OR1L4: variants seen among roughly 807,000 people sequenced by gnomAD.
The protein encoded by OR1L4 is olfactory receptor family 1 subfamily L member 4.
Under a neutral mutation model 3.5 loss-of-function variants are expected in OR1L4, and 4 were observed. The observed-to-expected ratio is 1.15, with a 90% CI of 0.57 to 2.63. The LOEUF is 2.63. Among genes scored for constraint, OR1L4 ranks in the 30% most tolerant of loss-of-function variants. The pLI, the probability that OR1L4 is intolerant of heterozygous loss-of-function variation, is 0.02. For synonymous variants in OR1L4, 123 were observed against 149.1 expected (o/e 0.83, Z 1.27); for missense variants, 291 against 378.5 (o/e 0.77, Z 1.92).
At position 122,724,550 on chromosome 9, in the gene OR1L4, G is replaced by A. The variant is rs757464507; in HGVS notation, c.561G>A (p.Lys187=). Residue 187 remains lysine (K), a synonymous_variant, in exon 1 of 1, where the codon AAG becomes AAA. Coordinates refer to ENST00000259466, the MANE Select transcript of OR1L4 (RefSeq NM_001005235.1). ...TCTGTGACACCCAGCCTGTGCTAAA[G>A]CTCTCCTGCTCTGACACATCCTCCA... ...HFFCDTQPVL[K]LSCSDTSSSQ... 1.1e-5 allele frequency: 17 copies of A among 1,614,138 alleles called. No individual in the cohort carries two copies. In the East Asian group the frequency reaches 3.3e-4, roughly 32 times the overall value.
rs777127805 is a variant in OR1L4, at chr9:122,724,335, C to A, written c.346C>A (p.Leu116Met). The A allele has an allele frequency of 6.2e-7, 1 of 1,614,242 alleles. No homozygotes were observed. The highest frequency in any genetic ancestry group is 1.1e-5 in the South Asian group (1 of 91,084). Residue 116 changes from leucine (L) to methionine (M), a missense_variant, in exon 1 of 1, where the codon CTG becomes ATG. This residue lies in a region of OR1L4 where 165 missense variants were observed against 169.9 expected (regional missense o/e 0.97). Transcript: ENST00000259466. Reference protein sequence around the residue: ...MAFGNTDSYLLASMAIDRLVA... With the variant: ...MAFGNTDSYLMASMAIDRLVA... ...ATTTGGGAACACTGACAGCTACCTG[C>A]TGGCCTCTATGGCCATCGACCGGCT...
Position 122,724,794 on chromosome 9 carries a change from G to T in OR1L4, c.805G>T (p.Val269Leu). 6.2e-7 allele frequency: 1 copy of T among 1,614,114 alleles called. No homozygotes were observed. ...TTTTAGGCCTCTGTCCATGTACTCAGTGATGAAGGGCCGGGTAGCCACAGT... is the reference window on the plus strand; with the variant it reads ...TTTTAGGCCTCTGTCCATGTACTCATTGATGAAGGGCCGGGTAGCCACAGT... The part of the protein sequence containing the change: ...VYFRPLSMYS[V>L]MKGRVATVMY... Residue 269 changes from valine to leucine, a missense_variant, in exon 1 of 1, where the codon GTG becomes TTG. This residue lies in a region of OR1L4 where 62 missense variants were observed against 71.8 expected (regional missense o/e 0.86). Coordinates refer to ENST00000259466, the MANE Select transcript of OR1L4 (RefSeq NM_001005235.1).
Position 122,724,169 on chromosome 9 carries a change from G to A in OR1L4, c.180G>A (p.Met60Ile). 2 of 1,614,112 alleles carry A rather than the reference G, an allele frequency of 1.2e-6. No homozygotes were observed. Among genetic ancestry groups the A allele is most frequent in the South Asian group, 1.1e-5 (1 of 91,084 alleles). ...IYSDPRLHTP[M>I]YFFLSNLSFM... ...CTGACCCCAGGCTCCACACCCCTATGTACTTTTTTCTCAGCAACTTGTCTT... is the reference window on the plus strand; with the variant it reads ...CTGACCCCAGGCTCCACACCCCTATATACTTTTTTCTCAGCAACTTGTCTT... Residue 60 changes from methionine (M) to isoleucine (I), a missense_variant, in exon 1 of 1, where the codon ATG becomes ATA. Around this residue, in one of 3 missense-constraint regions of OR1L4, gnomAD observed 165 missense variants for 169.9 expected, o/e 0.97. Coordinates refer to ENST00000259466, the MANE Select transcript of OR1L4 (RefSeq NM_001005235.1).
At position 122,724,456 on chromosome 9, in the gene OR1L4, A is replaced by C. The variant is rs774491611; in HGVS notation, c.467A>C (p.His156Pro). The C allele has an allele frequency of 1.2e-6, 2 of 1,614,062 alleles. No individual in the cohort carries two copies. Among genetic ancestry groups the C allele is most frequent in the Admixed American group, 3.3e-5 (2 of 60,008 alleles). ...GGTTCTTGCAGCATCTCCCACCTAC[A>C]TTCCCTGTTCCGCGTGCTACTTATG... ...LLGSCSISHL[H>P]SLFRVLLMSR... Residue 156 changes from histidine to proline, a missense_variant, in exon 1 of 1, where the codon CAT becomes CCT. Transcript: ENST00000259466.
rs150036859 is a variant in OR1L4, at chr9:122,724,839, C to A, written c.850C>A (p.Pro284Thr). 1.9e-6 allele frequency: 3 copies of A among 1,613,986 alleles called. No homozygotes were observed. Among genetic ancestry groups the A allele is most frequent in the Non-Finnish European group, 2.5e-6 (3 of 1,179,992 alleles). ...CACAGTTATGTACACAGTAGTGACACCCATGCTGAACCCTTTCATCTACAG... is the reference window on the plus strand; with the variant it reads ...CACAGTTATGTACACAGTAGTGACAACCATGCTGAACCCTTTCATCTACAG... ...VATVMYTVVT[P>T]MLNPFIYSLR... The change falls in exon 1 of 1, where the codon CCC becomes ACC. Residue 284 changes from proline (P) to threonine (T), a missense_variant. By Grantham distance (38) the Pro-to-Thr change is conservative. Around this residue, in one of 3 missense-constraint regions of OR1L4, gnomAD observed 62 missense variants for 71.8 expected, o/e 0.86. Transcript: ENST00000259466.
Position 122,724,104 on chromosome 9 carries a change from A to C in OR1L4, c.115A>C (p.Thr39Pro). The C allele has an allele frequency of 1.2e-6, 2 of 1,612,458 alleles. No individual in the cohort carries two copies. The highest frequency in any genetic ancestry group is 1.7e-6 in the Non-Finnish European group (2 of 1,179,102). ...CATCTTCCTCATCATGTACCTACTC[A>C]CTGCGGTGGGGAATGTGCTCATCAT... ...FAIFLIMYLL[T>P]AVGNVLIILA... Residue 39 changes from threonine to proline, a missense_variant, in exon 1 of 1, where the codon ACT becomes CCT. Transcript: ENST00000259466.
In OR1L4 at chr9:122,724,696, G is replaced by A; in HGVS notation, c.707G>A (p.Trp236Ter). Residue 236 changes from tryptophan to a stop codon, truncating the protein, a stop_gained, in exon 1 of 1, where the codon TGG becomes TAG. Coordinates refer to ENST00000259466, the MANE Select transcript of OR1L4 (RefSeq NM_001005235.1). LOFTEE classifies it high-confidence loss of function. ...AGAATCCCCTCTGCAGCCGGGAAGT[G>A]GAAGGCCTTCTCTACCTGTGGCTCC... ...VLRIPSAAGK[W>*]KAFSTCGSHL... 1 of 1,614,078 alleles carries A rather than the reference G, an allele frequency of 6.2e-7. No homozygotes were observed. Among genetic ancestry groups the A allele is most frequent in the Non-Finnish European group, 8.5e-7 (1 of 1,179,938 alleles).
At position 122,724,470 on chromosome 9, in the gene OR1L4, G is replaced by A. The variant is rs753520295; in HGVS notation, c.481G>A (p.Val161Met). Residue 161 changes from valine (V) to methionine (M), a missense_variant, in exon 1 of 1, where the codon GTG (valine) becomes ATG (methionine). By Grantham distance (21) the Val-to-Met change is conservative (BLOSUM62 1). Around this residue, in one of 3 missense-constraint regions of OR1L4, gnomAD observed 64 missense variants for 136.8 expected, o/e 0.47. Coordinates refer to ENST00000259466, the MANE Select transcript of OR1L4 (RefSeq NM_001005235.1). ...SISHLHSLFR[V>M]LLMSRLSFCA... ...CTCCCACCTACATTCCCTGTTCCGC[G>A]TGCTACTTATGTCTCGCTTGTCTTT... 58 of 1,614,044 alleles carry A rather than the reference G, an allele frequency of 3.6e-5. No homozygotes were observed. The highest frequency in any genetic ancestry group is 1.3e-4 in the East Asian group (6 of 44,886).
At position 122,724,283 on chromosome 9, in the gene OR1L4, C is replaced by T. The variant is rs760971825; in HGVS notation, c.294C>T (p.Cys98=). ...CAAAGATTATCTCTTATGTGGGCTGCCTGATCCAGATGTACTTCTTCATGG... is the reference window on the plus strand; with the variant it reads ...CAAAGATTATCTCTTATGTGGGCTGTCTGATCCAGATGTACTTCTTCATGG... ...SETKIISYVG[C]LIQMYFFMAF... The change falls in exon 1 of 1, where the codon TGC becomes TGT. Residue 98 remains cysteine, a synonymous_variant. Coordinates refer to ENST00000259466, the MANE Select transcript of OR1L4 (RefSeq NM_001005235.1). 25 of 1,614,052 alleles carry T rather than the reference C, an allele frequency of 1.5e-5. No homozygotes were observed. Among genetic ancestry groups the T allele is most frequent in the Non-Finnish European group, 1.0e-5 (12 of 1,180,044 alleles).
chr9:122,724,368 A>C lies in OR1L4; in HGVS notation c.379A>C (p.Ile127Leu). 6.2e-7 allele frequency: 1 copy of C among 1,614,226 alleles called. No homozygotes were observed. Among genetic ancestry groups the C allele is most frequent in the Non-Finnish European group, 8.5e-7 (1 of 1,180,048 alleles). ...ASMAIDRLVA[I>L]CNPLHYDVVM... The stretch of plus-strand genomic sequence containing the variant: ...TATGGCCATCGACCGGCTGGTGGCC[A>C]TCTGCAACCCCTTACACTATGATGT... The change falls in exon 1 of 1, where the codon ATC (isoleucine) becomes CTC (leucine). Residue 127 changes from isoleucine (I) to leucine (L), a missense_variant. This residue lies in a region of OR1L4 where 165 missense variants were observed against 169.9 expected (regional missense o/e 0.97). Transcript: ENST00000259466.
Position 122,724,279 on chromosome 9 carries a change from G to A in OR1L4, c.290G>A (p.Gly97Asp). Residue 97 changes from glycine to aspartate, a missense_variant, in exon 1 of 1, where the codon GGC becomes GAC. Around this residue, in one of 3 missense-constraint regions of OR1L4, gnomAD observed 165 missense variants for 169.9 expected, o/e 0.97. Transcript: ENST00000259466. ...LSETKIISYV[G>D]CLIQMYFFMA... Reference sequence around the variant, plus strand: ...GAGACAAAGATTATCTCTTATGTGGGCTGCCTGATCCAGATGTACTTCTTC... The same window carrying A: ...GAGACAAAGATTATCTCTTATGTGGACTGCCTGATCCAGATGTACTTCTTC... 1.9e-6 allele frequency: 3 copies of A among 1,614,152 alleles called. No homozygotes were observed. Among genetic ancestry groups the A allele is most frequent in the East Asian group, 2.2e-5 (1 of 44,888 alleles).
chr9:122,724,807 G>A lies in OR1L4; in HGVS notation c.818G>A (p.Arg273Gln), dbSNP rs756994886. The change falls in exon 1 of 1, where the codon CGG becomes CAG. Residue 273 changes from arginine (R) to glutamine (Q), a missense_variant. By Grantham distance (43) the Arg-to-Gln change is conservative (BLOSUM62 1). Coordinates refer to ENST00000259466, the MANE Select transcript of OR1L4 (RefSeq NM_001005235.1). ...PLSMYSVMKG[R>Q]VATVMYTVVT... ...TCCATGTACTCAGTGATGAAGGGCC[G>A]GGTAGCCACAGTTATGTACACAGTA... is the stretch of plus-strand genomic sequence containing the variant. 1.5e-5 allele frequency: 25 copies of A among 1,614,056 alleles called. No homozygotes were observed. In the East Asian group the frequency reaches 1.6e-4, roughly 10 times the overall value.
chr9:122,724,778 T>C lies in OR1L4; in HGVS notation c.789T>C (p.Pro263=), dbSNP rs759720442. Residue 263 remains proline (P), a synonymous_variant, in exon 1 of 1, where the codon CCT becomes CCC. Transcript: ENST00000259466. ...YGSVIYVYFR[P]LSMYSVMKGR... ...GTGTCATCTATGTCTATTTTAGGCC[T>C]CTGTCCATGTACTCAGTGATGAAGG... 7.4e-6 allele frequency: 12 copies of C among 1,614,014 alleles called. No individual in the cohort carries two copies. The highest frequency in any genetic ancestry group is 2.7e-5 in the African/African-American group (2 of 74,914).
rs778152120 is a variant in OR1L4, at chr9:122,724,220, CAT to C, written c.233_234del (p.Ile78SerfsTer3). ...TCATGGATATCTGCTTCACAACAGT[CAT>C]AGTGCCTAAGATGCTGGTGAATTTT... ...SFMDICFTTV[I>X]VPKMLVNFLS... On this transcript the variant is annotated frameshift_variant, in exon 1 of 1. Coordinates refer to ENST00000259466, the MANE Select transcript of OR1L4 (RefSeq NM_001005235.1). LOFTEE classifies it low-confidence loss of function (END_TRUNC). The C allele has an allele frequency of 6.2e-7, 1 of 1,614,090 alleles. No individual in the cohort carries two copies. Among genetic ancestry groups the C allele is most frequent in the African/African-American group, 1.3e-5 (1 of 74,936 alleles).
rs199605539 is a variant in OR1L4 at position 122,724,882 on chromosome 9, T to C, written c.893T>C (p.Met298Thr). ...PFIYSLRNKD[M>T]KRGLKKLRHR... ...ATCTACAGCCTGAGGAACAAAGATA[T>C]GAAAAGGGGTTTGAAGAAATTAAGA... The change falls in exon 1 of 1, where the codon ATG becomes ACG. Residue 298 changes from methionine (M) to threonine (T), a missense_variant. Transcript: ENST00000259466. 1.2e-5 allele frequency: 19 copies of C among 1,611,606 alleles called. No individual in the cohort carries two copies. The East Asian group carries it at 2.2e-4, about 19-fold the overall frequency.
chr9:122,724,540 C>A lies in OR1L4; in HGVS notation c.551C>A (p.Pro184His), dbSNP rs756496883. ...AAGCACTTTTTCTGTGACACCCAGC[C>A]TGTGCTAAAGCTCTCCTGCTCTGAC... ...IIKHFFCDTQPVLKLSCSDTS... is the reference protein window; with the variant it reads ...IIKHFFCDTQHVLKLSCSDTS... Residue 184 changes from proline to histidine, a missense_variant, in exon 1 of 1, where the codon CCT becomes CAT. Pro to His is a moderately conservative substitution (Grantham distance 77). Transcript: ENST00000259466. 6.2e-7 allele frequency: 1 copy of A among 1,614,142 alleles called. No individual in the cohort carries two copies. The highest frequency in any genetic ancestry group is 1.3e-5 in the African/African-American group (1 of 74,954).
Position 122,724,281 on chromosome 9 carries a change from T to C in OR1L4, c.292T>C (p.Cys98Arg). The change falls in exon 1 of 1, where the codon TGC becomes CGC. Residue 98 changes from cysteine (C) to arginine (R), a missense_variant. Around this residue, in one of 3 missense-constraint regions of OR1L4, gnomAD observed 165 missense variants for 169.9 expected, o/e 0.97. Coordinates refer to ENST00000259466, the MANE Select transcript of OR1L4 (RefSeq NM_001005235.1). ...GACAAAGATTATCTCTTATGTGGGC[T>C]GCCTGATCCAGATGTACTTCTTCAT... is the stretch of plus-strand genomic sequence containing the variant. ...SETKIISYVG[C>R]LIQMYFFMAF... The C allele has an allele frequency of 6.2e-7, 1 of 1,614,232 alleles. No individual in the cohort carries two copies. Among genetic ancestry groups the C allele is most frequent in the Admixed American group, 1.7e-5 (1 of 60,014 alleles).
rs139950190 is a variant in OR1L4, at chr9:122,724,100, A to G, written c.111A>G (p.Leu37=). 5.2e-4 allele frequency: 842 copies of G among 1,610,378 alleles called. 2 individuals carry two copies. The African/African-American group carries it at 9.8e-3, about 19-fold the overall frequency. ...PLFAIFLIMY[L]LTAVGNVLII... is the part of the protein sequence containing the mutation. ...TTGCCATCTTCCTCATCATGTACCTACTCACTGCGGTGGGGAATGTGCTCA... is the reference window on the plus strand; with the variant it reads ...TTGCCATCTTCCTCATCATGTACCTGCTCACTGCGGTGGGGAATGTGCTCA... Residue 37 remains leucine, a synonymous_variant, in exon 1 of 1, where the codon CTA becomes CTG. Transcript: ENST00000259466.
rs751264189 is a variant in OR1L4, at chr9:122,724,298, C to A, written c.309C>A (p.Tyr103Ter). 6.2e-7 allele frequency: 1 copy of A among 1,614,178 alleles called. No homozygotes were observed. Among genetic ancestry groups the A allele is most frequent in the Non-Finnish European group, 8.5e-7 (1 of 1,180,026 alleles). The change falls in exon 1 of 1, where the codon TAC becomes TAA. Residue 103 changes from tyrosine (Y) to a stop codon, truncating the protein, a stop_gained. Transcript: ENST00000259466. LOFTEE classifies it low-confidence loss of function (END_TRUNC). ...ATGTGGGCTGCCTGATCCAGATGTA[C>A]TTCTTCATGGCATTTGGGAACACTG... ...ISYVGCLIQMYFFMAFGNTDS... is the reference protein window; with the variant it reads ...ISYVGCLIQM
Sources: allele counts gnomAD v4.1 joint callset, GRCh38; gene constraint gnomAD v4.1.1; regional missense constraint gnomAD v4.1.1; transcripts MANE v1.5; gene names NCBI Gene and HGNC (gene_info 2026-07-23, HGNC 2026-07-21).